The following ELK3 variants were observed in gnomAD, a reference collection of about 807,000 sequenced individuals.
ELK3 encodes the protein ETS domain-containing protein Elk-3.
In ELK3, 10 loss-of-function variants were observed where a neutral mutation model predicts 28.9. That is an observed-to-expected ratio of 0.35 (90% CI 0.21 to 0.59). The LOEUF (loss-of-function observed/expected upper bound fraction) is 0.59. Ranked by LOEUF, ELK3 falls within the 20% of genes least tolerant of loss-of-function variation. ELK3 has a pLI of 0.82. For missense variants in ELK3, 463 were observed against 517.3 expected, an observed-to-expected ratio of 0.90 and a Z score of 1.02; for synonymous variants, 272 against 243.5, an observed-to-expected ratio of 1.12 and a Z score of -1.09.
chr12:96,218,315 C>T (rs1451276097), intron 1 of ELK3, among the ~76,000 whole-genome samples: 2 of 152,156 alleles, frequency 1.3e-5, no homozygotes, highest in Non-Finnish European at 2.9e-5. Context: ...GTAAGAGCAG[C>T]AATGCCTTTA....
rs1266606007 is a variant in ELK3 at position 96,268,278 on chromosome 12, T to C, written c.*1098T>C. On this transcript the variant is annotated 3_prime_UTR_variant, in exon 5 of 5. Transcript: ENST00000228741. Reference sequence around the variant, plus strand: ...AACTTGCTGTAATACAAATAGAGAGTGGAGGTACTAAAGGCCTTGCTTGTG... The same window carrying C: ...AACTTGCTGTAATACAAATAGAGAGCGGAGGTACTAAAGGCCTTGCTTGTG... 1.3e-5 allele frequency: 2 copies of C among 152,056 alleles called. No individual in the cohort carries two copies. Among genetic ancestry groups the C allele is most frequent in the Non-Finnish European group, 2.9e-5 (2 of 68,022 alleles). 9.4% of individuals were successfully genotyped at this position (152,056 alleles called of 1,614,324 possible).
intron 1 of ELK3, among the ~76,000 whole-genome samples, chr12:96,204,077 ATTG>A (rs1951524339): frequency 6.6e-6 from 1 of 152,176 alleles, no homozygotes. Flanking sequence ...GTTTGGCTCT[ATTG>A]TTGGTATCAG....
chr12:96,228,664 T>A lies in ELK3; in HGVS notation c.207+4891T>A, dbSNP rs11838035. 5.3e-3 allele frequency among the ~76,000 whole-genome samples: 812 copies of A among 152,310 alleles called. 6 individuals carry two copies. Among genetic ancestry groups the A allele is most frequent in the African/African-American group, 0.019 (773 of 41,570 alleles). ...TTCAGCTGTGAAGATGCTTTCTTATTTAAATGACTCTCCCTCACCGCTCTG... is the reference window on the plus strand; with the variant it reads ...TTCAGCTGTGAAGATGCTTTCTTATATAAATGACTCTCCCTCACCGCTCTG... On this transcript the variant is annotated intron_variant, in intron 2 of 4. Transcript: ENST00000228741.
intron 2 of ELK3, among the ~76,000 whole-genome samples, chr12:96,227,392 C>G (rs1951710037): frequency 6.6e-6 from 1 of 152,216 alleles, no homozygotes; most frequent in Non-Finnish European, 1.5e-5. Context: ...TTGGCTTCAA[C>G]TGCACATCCC....
chr12:96,205,581 T>C (rs761716562), intron 1 of ELK3, among the ~76,000 whole-genome samples: 7 of 151,676 alleles, frequency 4.6e-5, no homozygotes, highest in Non-Finnish European at 8.8e-5. Context: ...TCACATGATC[T>C]TCCCACCTCA....
chr12:96,215,414 C>CT (rs1304865328), intron 1 of ELK3, among the ~76,000 whole-genome samples: 4 of 152,136 alleles, frequency 2.6e-5, no homozygotes, highest in Admixed American at 2.6e-4. Flanking sequence ...AGGCCAGTAG[C>CT]TTTTCGGTGA....
intron 3 of ELK3, among the ~76,000 whole-genome samples, chr12:96,248,691 T>G (rs1394274662): frequency 4.6e-5 from 7 of 152,200 alleles, no homozygotes; most frequent in Non-Finnish European, 8.8e-5. Context: ...ACCCGTCCCC[T>G]GCCTCTGTAA....
At chr12:96,248,434 C>T (rs952447310) in intron 3 of ELK3, among the ~76,000 whole-genome samples, 3 of 152,204 alleles carry the variant, frequency 2.0e-5, no homozygotes, top group Non-Finnish European at 4.4e-5. Flanking sequence ...AGTGCAAAGG[C>T]GTAGTAGGTG....
rs540469689 is a variant in ELK3, at chr12:96,259,943, A to G, written c.1125+90A>G. ...TGCAGAGGTAACGGTGAGTTTTGCCATATGTTGAGTTGAAATATTAAATGT... is the reference window on the plus strand; with the variant it reads ...TGCAGAGGTAACGGTGAGTTTTGCCGTATGTTGAGTTGAAATATTAAATGT... On this transcript the variant is annotated intron_variant, in intron 4 of 4. Coordinates refer to ENST00000228741, the MANE Select transcript of ELK3 (RefSeq NM_005230.4). 328 of 1,451,484 alleles carry G rather than the reference A, an allele frequency of 2.3e-4. 1 individual carries two copies. The African/African-American group carries it at 3.8e-3, about 17-fold the overall frequency. 89.9% of individuals were successfully genotyped at this position (1,451,484 alleles called of 1,614,324 possible).
At chr12:96,229,300 A>G (rs1184056829) in intron 2 of ELK3, among the ~76,000 whole-genome samples, 4 of 152,188 alleles carry the variant, frequency 2.6e-5, no homozygotes, top group African/African-American at 9.7e-5. Context: ...GGTGGCTTAA[A>G]ACAACAGAAA....
chr12:96,265,274 A>T (rs1022309841), intron 4 of ELK3, among the ~76,000 whole-genome samples: 1 of 152,226 alleles, frequency 6.6e-6, no homozygotes, highest in African/African-American at 2.4e-5. Context: ...AGTATACAGA[A>T]ATAATAAGGG....
At chr12:96,226,895 G>A (rs1306393437) in intron 2 of ELK3, among the ~76,000 whole-genome samples, 1 of 152,198 alleles carries the variant, frequency 6.6e-6, no homozygotes, top group Non-Finnish European at 1.5e-5. Context: ...GAAGGAGGAA[G>A]AAGAGGAGGC....
intron 2 of ELK3, among the ~76,000 whole-genome samples, chr12:96,224,465 A>T (rs1275518500): frequency 6.6e-6 from 1 of 152,200 alleles, no homozygotes; most frequent in Non-Finnish European, 1.5e-5. Context: ...ACATATAAGT[A>T]CTTAGAACAC....
intron 2 of ELK3, among the ~76,000 whole-genome samples, chr12:96,244,447 AT>A (rs34067649): frequency 0.11 from 14,771 of 139,532 alleles, 1,136 homozygotes; most frequent in African/African-American, 0.23. Flanking sequence ...GAAAATTAGA[AT>A]TTTTTTTTTT....
chr12:96,251,639 ACATC>A (rs1283602656), intron 3 of ELK3, among the ~76,000 whole-genome samples: 4 of 152,302 alleles, frequency 2.6e-5, no homozygotes, highest in African/African-American at 9.6e-5. Context: ...AGAAAGTGGG[ACATC>A]CTGATTGTTG....
At chr12:96,225,512 C>G (rs1951692560) in intron 2 of ELK3, among the ~76,000 whole-genome samples, 1 of 152,238 alleles carries the variant, frequency 6.6e-6, no homozygotes, top group South Asian at 2.1e-4. Flanking sequence ...CACTTTCTGT[C>G]AGACGTCTAA....
At chr12:96,248,344 G>A (rs915966154) in intron 3 of ELK3, among the ~76,000 whole-genome samples, 6 of 152,210 alleles carry the variant, frequency 3.9e-5, no homozygotes, top group African/African-American at 1.4e-4. Flanking sequence ...AGCCTTCGTT[G>A]TTATTAGTCC....
intron 3 of ELK3, among the ~76,000 whole-genome samples, chr12:96,251,403 T>G (rs1002335605): frequency 6.6e-6 from 1 of 152,128 alleles, no homozygotes; most frequent in African/African-American, 2.4e-5. Context: ...AATTTTGAAA[T>G]TAGGCCAATT....
chr12:96,198,459 CT>C (rs1389697687), intron 1 of ELK3, among the ~76,000 whole-genome samples: 3 of 152,196 alleles, frequency 2.0e-5, no homozygotes, highest in Non-Finnish European at 2.9e-5. Context: ...TCCTAAGGTT[CT>C]GTACATAAAT....
Sources: gnomAD v4.1 joint callset for allele counts (sites outside exome capture counted in the v4.1 genomes callset) on GRCh38, gnomAD v4.1.1 for gene constraint, MANE v1.5 for transcripts, NCBI Gene and HGNC (gene_info 2026-07-23, HGNC 2026-07-21) for gene names.